SLC24A2: variants seen among roughly 807,000 people sequenced by gnomAD.
SLC24A2 encodes sodium/potassium/calcium exchanger 2.
In SLC24A2, 36 loss-of-function variants were observed where a neutral mutation model predicts 62.0. The observed-to-expected ratio is 0.58, with a 90% CI of 0.44 to 0.77. SLC24A2 has a LOEUF of 0.77. SLC24A2 is among the 30% of genes least tolerant of loss of function. The pLI is 0.00. For synonymous variants in SLC24A2, 358 were observed against 294.0 expected (o/e 1.22, Z -2.23); for missense variants, 846 against 817.9 (o/e 1.03, Z -0.42).
At chr9:20,193,811 T>C in the SLC24A2 span, among the ~76,000 whole-genome samples, 1 of 152,122 alleles carries the variant, frequency 6.6e-6, no homozygotes, top group Non-Finnish European at 1.5e-5. Flanking sequence ...TCTACAGAAG[T>C]CCCAAGAGGG....
At chr9:20,033,492 C>G in the SLC24A2 span, among the ~76,000 whole-genome samples, 1 of 152,256 alleles carries the variant, frequency 6.6e-6, no homozygotes, top group South Asian at 2.1e-4. Context: ...TTTTAGTAGA[C>G]AGGTGGAGGG....
the SLC24A2 span, among the ~76,000 whole-genome samples, chr9:19,961,249 C>T: frequency 6.6e-6 from 1 of 151,500 alleles, no homozygotes; most frequent in Admixed American, 6.6e-5. Context: ...AAAAAGAAAT[C>T]AGAATTACTC....
chr9:19,731,520 T>TCC (rs1157333491), intron 2 of SLC24A2, among the ~76,000 whole-genome samples: 12 of 118,724 alleles, frequency 1.0e-4, no homozygotes, highest in African/African-American at 2.8e-4. Context: ...TCTCTCCGTG[T>TCC]GTGTGTGTGT....
the SLC24A2 span, among the ~76,000 whole-genome samples, chr9:20,135,370 T>TAATTACAATTTAAAATTTTAATTTTC: frequency 8.6e-6 from 1 of 116,108 alleles, no homozygotes; most frequent in South Asian, 3.2e-4. Flanking sequence ...TTTTAATTTT[T>TAATTACAATTTAAAATTTTAATTTTC]AATTACAATT....
chr9:20,014,691 G>C, the SLC24A2 span, among the ~76,000 whole-genome samples: 2 of 152,056 alleles, frequency 1.3e-5, no homozygotes, highest in Admixed American at 6.6e-5. Context: ...TGAATTTATA[G>C]AAGTAGAGAG....
the SLC24A2 span, among the ~76,000 whole-genome samples, chr9:19,794,840 G>A: frequency 2.6e-5 from 4 of 151,912 alleles, no homozygotes; most frequent in African/African-American, 7.3e-5. Context: ...CAGCCCACTC[G>A]GAAAGCAAGC....
At chr9:20,238,884 A>G in the SLC24A2 span, among the ~76,000 whole-genome samples, 1 of 152,210 alleles carries the variant, frequency 6.6e-6, no homozygotes. Flanking sequence ...TAAGAAGAGG[A>G]AAAGAGAGAT....
chr9:19,550,375 T>C, intron 7 of SLC24A2, 107 bp from the exon 8 acceptor site: 2 of 1,161,250 alleles, frequency 1.7e-6, no homozygotes, highest in South Asian at 2.6e-5. Context: ...TTATCAGTTT[T>C]CTGGACTCGT....
chr9:20,056,614 C>T, the SLC24A2 span, among the ~76,000 whole-genome samples: 1 of 152,166 alleles, frequency 6.6e-6, no homozygotes, highest in South Asian at 2.1e-4. Flanking sequence ...TGTGTGAATT[C>T]CCTGTTGAAT....
At chr9:19,724,897 G>C (rs531464976) in intron 2 of SLC24A2, among the ~76,000 whole-genome samples, 1 of 152,150 alleles carries the variant, frequency 6.6e-6, no homozygotes, top group Non-Finnish European at 1.5e-5. Context: ...GCAAACTACA[G>C]TTAAATCCAA....
the SLC24A2 span, among the ~76,000 whole-genome samples, chr9:20,025,588 C>A: frequency 4.2e-3 from 638 of 152,258 alleles, 11 homozygotes; most frequent in African/African-American, 0.014. Flanking sequence ...TCAGTTACCA[C>A]GTACCAGCTA....
chr9:19,863,136 A>G, the SLC24A2 span, among the ~76,000 whole-genome samples: 1 of 152,046 alleles, frequency 6.6e-6, no homozygotes, highest in East Asian at 1.9e-4. Context: ...CAAAAGCTAT[A>G]AGAGAGACAA....
intron 2 of SLC24A2, among the ~76,000 whole-genome samples, chr9:19,675,702 C>T (rs749509531): frequency 3.9e-5 from 6 of 152,124 alleles, no homozygotes; most frequent in East Asian, 1.9e-4. Context: ...TCGCTCCTAC[C>T]GTGCCCCCAC....
the SLC24A2 span, among the ~76,000 whole-genome samples, chr9:20,167,213 C>T: frequency 1.3e-5 from 2 of 152,068 alleles, no homozygotes. Context: ...TGACTGTATA[C>T]ATTCTCAATC....
At chr9:19,534,247 C>A (rs1833848115) in intron 8 of SLC24A2, among the ~76,000 whole-genome samples, 2 of 152,202 alleles carry the variant, frequency 1.3e-5, no homozygotes, top group Admixed American at 1.3e-4. Context: ...CAGCTTCTCT[C>A]ACTAATACAG....
chr9:19,990,621 A>T, the SLC24A2 span, among the ~76,000 whole-genome samples: 1 of 109,408 alleles, frequency 9.1e-6, no homozygotes, highest in Non-Finnish European at 2.0e-5. Context: ...AAAAACAAAA[A>T]AAAAAAAACA....
chr9:20,019,481 G>C, the SLC24A2 span, among the ~76,000 whole-genome samples: 1 of 152,190 alleles, frequency 6.6e-6, no homozygotes, highest in African/African-American at 2.4e-5. Flanking sequence ...TCAAAGATTA[G>C]ATGGTTGTAG....
the SLC24A2 span, among the ~76,000 whole-genome samples, chr9:20,075,032 T>G: frequency 1.2e-3 from 183 of 152,334 alleles, no homozygotes; most frequent in Admixed American, 2.3e-3. Context: ...CATTCAGCTC[T>G]AAAATTCTGA....
At chr9:20,256,080 C>A in the SLC24A2 span, among the ~76,000 whole-genome samples, 2 of 152,262 alleles carry the variant, frequency 1.3e-5, no homozygotes, top group Non-Finnish European at 2.9e-5. Flanking sequence ...CTGAACTCAT[C>A]CTTTCATATC....
Sources: allele counts gnomAD v4.1 joint callset (sites outside exome capture counted in the v4.1 genomes callset), GRCh38; gene constraint gnomAD v4.1.1; transcripts MANE v1.5; gene names NCBI Gene and HGNC (gene_info 2026-07-23, HGNC 2026-07-21).